The following TMIGD2 variants were observed in gnomAD, a reference collection of about 807,000 sequenced individuals.
TMIGD2 encodes transmembrane and immunoglobulin domain containing 2, also known as transmembrane and immunoglobulin domain-containing protein 2.
Under a neutral mutation model 22.6 loss-of-function variants are expected in TMIGD2, and 18 were observed. The observed-to-expected ratio is 0.80, with a 90% confidence interval of 0.55 to 1.18. The LOEUF is 1.18. Ranked by LOEUF, TMIGD2 falls within the 50% of genes most tolerant of loss-of-function variation. The probability of loss-of-function intolerance (pLI) is 0.00; values close to 1 mark genes in which losing one functional copy is unlikely to be tolerated. For missense variants in TMIGD2, 361 were observed against 378.2 expected, an observed-to-expected ratio of 0.95 and a Z score of 0.38; for synonymous variants, 184 against 154.1, an observed-to-expected ratio of 1.19 and a Z score of -1.44.
intron 4 of TMIGD2, among the ~76,000 whole-genome samples, chr19:4,293,869 C>T (rs1971420885): frequency 6.6e-6 from 1 of 151,972 alleles, no homozygotes; most frequent in Non-Finnish European, 1.5e-5. Context: ...TCCAGTGATT[C>T]TCCTGCCTCA....
At chr19:4,302,222 A>T in intron 1 of TMIGD2, 118 bp downstream of exon 1, 1 of 1,076,710 alleles carries the variant, frequency 9.3e-7, no homozygotes, top group East Asian at 2.8e-5. Context: ...TCGGAGGGAG[A>T]TGGGCCTTAT....
intron 1 of TMIGD2, among the ~76,000 whole-genome samples, chr19:4,301,130 G>A (rs1365168564): frequency 6.6e-6 from 1 of 151,962 alleles, no homozygotes; most frequent in East Asian, 1.9e-4. Flanking sequence ...TCGCTACCAC[G>A]CCCAGCTAAT....
intron 1 of TMIGD2, among the ~76,000 whole-genome samples, chr19:4,298,711 G>C (rs1004237027): frequency 6.6e-6 from 1 of 152,072 alleles, no homozygotes; most frequent in Non-Finnish European, 1.5e-5. Flanking sequence ...ACTCCAGCCT[G>C]GGTGACAAAG....
chr19:4,295,666 A>G (rs1971453093), intron 2 of TMIGD2, among the ~76,000 whole-genome samples: 1 of 151,864 alleles, frequency 6.6e-6, no homozygotes, highest in Non-Finnish European at 1.5e-5. Context: ...TTATCCTGGG[A>G]TCTATCACTC....
chr19:4,296,418 C>T (rs1264509886), intron 2 of TMIGD2, among the ~76,000 whole-genome samples: 2 of 152,180 alleles, frequency 1.3e-5, no homozygotes, highest in Non-Finnish European at 2.9e-5. Context: ...GCTGTGAATG[C>T]CGCAATTAAG....
rs1203848296 is a variant in TMIGD2, at chr19:4,301,985, G to C, written c.46+355C>G. Among the ~76,000 whole-genome samples the C allele has an allele frequency of 5.9e-5, 9 of 152,152 alleles. 1 individual carries two copies. Among genetic ancestry groups the C allele is most frequent in the Admixed American group, 4.6e-4 (7 of 15,254 alleles). On this transcript the variant is annotated intron_variant, in intron 1 of 4. Coordinates refer to ENST00000301272, the Ensembl canonical transcript of TMIGD2. ...ATCTGGAGAAGGGTATTAGGCAGCT[G>C]GAACAGCAGGTGCAAAGGCTCGAAG...
intron 4 of TMIGD2, among the ~76,000 whole-genome samples, 163 bp from the exon 5 acceptor site, chr19:4,293,048 T>C (rs1404372353): frequency 2.0e-5 from 3 of 151,502 alleles, no homozygotes; most frequent in Non-Finnish European, 2.9e-5. Flanking sequence ...ACTGCAAGCT[T>C]CGCCTCCTGG....
intron 1 of TMIGD2, among the ~76,000 whole-genome samples, chr19:4,301,663 CCTT>C (rs908960368): frequency 5.3e-5 from 8 of 152,112 alleles, no homozygotes; most frequent in South Asian, 2.1e-4. Flanking sequence ...GAGCAAGACT[CCTT>C]CTCAAAACAA....
At chr19:4,294,788 G>A (rs768422376) in exon 3 of TMIGD2, 16 of 1,586,704 alleles carry the variant, frequency 1.0e-5, no homozygotes, top group African/African-American at 5.4e-5. Flanking sequence ...GGAAGCTTGC[G>A]ATCCGGTTTC....
chr19:4,302,206 T>G, intron 1 of TMIGD2, 134 bp downstream of exon 1: 1 of 931,890 alleles, frequency 1.1e-6, no homozygotes, highest in Non-Finnish European at 1.6e-6. Context: ...CATCACGTTC[T>G]GAGTCTCGGA....
At chr19:4,292,522 C>T (rs1971394458) in exon 5 of TMIGD2, 5 of 1,415,272 alleles carry the variant, frequency 3.5e-6, no homozygotes, top group Non-Finnish European at 5.0e-6. Context: ...CAGGCGTGAG[C>T]CACCGTGTCT....
chr19:4,300,827 G>A (rs1397021824), intron 1 of TMIGD2, among the ~76,000 whole-genome samples: 1 of 152,230 alleles, frequency 6.6e-6, no homozygotes. Flanking sequence ...TGAGGACAGG[G>A]AGAGAGGGAG....
At chr19:4,298,115 T>C in exon 2 of TMIGD2, 1 of 1,613,462 alleles carries the variant, frequency 6.2e-7, no homozygotes, top group Non-Finnish European at 8.5e-7. Context: ...GTGAGATGGC[T>C]GGGTGCCTGC....
intron 1 of TMIGD2, among the ~76,000 whole-genome samples, chr19:4,300,085 ACC>A (rs1488142576): frequency 5.3e-5 from 8 of 150,568 alleles, no homozygotes; most frequent in Admixed American, 2.0e-4. Context: ...ACATGGTGAA[ACC>A]CTGTCTCTAC....
intron 1 of TMIGD2, among the ~76,000 whole-genome samples, chr19:4,299,468 C>T (rs1051693883): frequency 6.0e-5 from 9 of 151,052 alleles, no homozygotes; most frequent in East Asian, 2.0e-4. Flanking sequence ...CTTAAGACCA[C>T]GCCACTGCAC....
chr19:4,297,835 C>T (rs1277499653), intron 2 of TMIGD2, 151 bp downstream of exon 2: 26 of 1,137,858 alleles, frequency 2.3e-5, no homozygotes, highest in South Asian at 1.2e-4. Context: ...AAGGCCTGGA[C>T]GACAGAGCAA....
At chr19:4,292,763 G>T (rs775019821) in exon 5 of TMIGD2, 1 of 1,611,244 alleles carries the variant, frequency 6.2e-7, no homozygotes, top group South Asian at 1.1e-5. Context: ...CGGGGGGCCG[G>T]TTGCGGGAAG....
intron 4 of TMIGD2, among the ~76,000 whole-genome samples, chr19:4,293,577 A>T (rs12984685): frequency 0.2 from 27,283 of 136,272 alleles, 2,739 homozygotes; most frequent in East Asian, 0.33. Context: ...TTTTTTTTTT[A>T]ATTTCAAACT....
At position 4,298,971 on chromosome 19, in the gene TMIGD2, A is replaced by T. The variant is rs79840077; in HGVS notation, c.47-626T>A. Among the ~76,000 whole-genome samples, 494 of 152,084 alleles carry T rather than the reference A, an allele frequency of 3.2e-3. 1 individual carries two copies. Among genetic ancestry groups the T allele is most frequent in the African/African-American group, 0.011 (477 of 41,486 alleles). On this transcript the variant is annotated intron_variant, in intron 1 of 4. Coordinates refer to ENST00000301272, the Ensembl canonical transcript of TMIGD2. ...ACAGGCATGACCAAAACAGATGAAA[A>T]TCCCTGCCCTTCAGAAGCTGACAAT...
Sources: allele counts gnomAD v4.1 joint callset (sites outside exome capture counted in the v4.1 genomes callset), GRCh38; gene constraint gnomAD v4.1.1; transcripts MANE v1.5; gene names NCBI Gene and HGNC (gene_info 2026-07-23, HGNC 2026-07-21).